Variants in PDE4D observed in about 807,000 individuals in gnomAD.
The protein encoded by PDE4D is 3',5'-cyclic-AMP phosphodiesterase 4D.
PDE4D carries 24 observed loss-of-function variants against 87.4 expected under a neutral mutation model. That is an observed-to-expected ratio of 0.27 (90% CI 0.20 to 0.39). PDE4D has a LOEUF of 0.39. PDE4D is among the 10% of genes least tolerant of loss of function. The pLI, the probability that PDE4D is intolerant of heterozygous loss-of-function variation, is 1.00. For synonymous variants in PDE4D, 384 were observed against 383.2 expected (o/e 1.00, Z -0.02); for missense variants, 714 against 1,041.0 (o/e 0.69, Z 4.32).
chr5:60,297,570 A>G (rs1753520818), intron 1 of PDE4D, among the ~76,000 whole-genome samples: 1 of 152,202 alleles, frequency 6.6e-6, no homozygotes, highest in African/African-American at 2.4e-5. Context: ...TTTTAACTCA[A>G]TCTTCTGGGA....
chr5:59,974,547 C>T (rs1037948287), intron 3 of PDE4D, among the ~76,000 whole-genome samples: 6 of 152,046 alleles, frequency 3.9e-5, no homozygotes, highest in African/African-American at 1.4e-4. Flanking sequence ...TACTAGGAAC[C>T]CAAGGACACC....
At chr5:59,186,677 G>T (rs148082662) in intron 3 of PDE4D, among the ~76,000 whole-genome samples, 1 of 152,104 alleles carries the variant, frequency 6.6e-6, no homozygotes, top group Non-Finnish European at 1.5e-5. Context: ...AGCTGTGTAC[G>T]CCTTGGGACA....
At chr5:59,020,842 G>A (rs1580340598) in intron 6 of PDE4D, among the ~76,000 whole-genome samples, 1 of 152,298 alleles carries the variant, frequency 6.6e-6, no homozygotes, top group South Asian at 2.1e-4. Flanking sequence ...CTTACCGGCT[G>A]TGGCTAGCGT....
chr5:60,261,259 A>C (rs1749619847), intron 1 of PDE4D, among the ~76,000 whole-genome samples: 2 of 152,168 alleles, frequency 1.3e-5, no homozygotes, highest in Admixed American at 1.3e-4. Flanking sequence ...GTAATCACTG[A>C]CCAGGTTATG....
chr5:59,385,190 C>T (rs1786732001), intron 1 of PDE4D, among the ~76,000 whole-genome samples: 1 of 152,148 alleles, frequency 6.6e-6, no homozygotes, highest in African/African-American at 2.4e-5. Context: ...ATCTGACATC[C>T]TAAGCATTCT....
At chr5:60,356,213 A>G (rs1583509902) in intron 1 of PDE4D, among the ~76,000 whole-genome samples, 1 of 152,256 alleles carries the variant, frequency 6.6e-6, no homozygotes, top group East Asian at 1.9e-4. Context: ...TTACATTCCC[A>G]TTAATATTAA....
chr5:59,200,199 G>T (rs1368985404), intron 2 of PDE4D, among the ~76,000 whole-genome samples: 1 of 111,686 alleles, frequency 9.0e-6, no homozygotes, highest in African/African-American at 3.1e-5. Flanking sequence ...ACATACACGT[G>T]TATGTATAGA....
intron 1 of PDE4D, among the ~76,000 whole-genome samples, chr5:59,606,616 G>A (rs182579654): frequency 8.5e-5 from 13 of 152,188 alleles, no homozygotes; most frequent in African/African-American, 2.4e-4. Context: ...CTGTGGATTC[G>A]GAGAAGGCTG....
In PDE4D at chr5:59,137,686, G is replaced by C. The variant is rs576429721; in HGVS notation, c.808+42909C>G. ...GGACTACAGGCGCCCGCCACCACGC[G>C]TGGCTAATTTTTTGTATTTTTAGTA... On this transcript the variant is annotated intron_variant, in intron 5 of 14. Transcript: ENST00000340635. Among the ~76,000 whole-genome samples, 287 of 152,000 alleles carry C rather than the reference G, an allele frequency of 1.9e-3. 1 individual carries two copies. Among genetic ancestry groups the C allele is most frequent in the African/African-American group, 6.6e-3 (273 of 41,476 alleles).
chr5:60,438,976 A>C (rs1431534256), intron 1 of PDE4D, among the ~76,000 whole-genome samples: 1 of 152,126 alleles, frequency 6.6e-6, no homozygotes, highest in Non-Finnish European at 1.5e-5. Flanking sequence ...ATACTTGCAC[A>C]AGCATGCACT....
chr5:60,194,116 C>G (rs1457097321), intron 1 of PDE4D, among the ~76,000 whole-genome samples: 3 of 151,584 alleles, frequency 2.0e-5, no homozygotes, highest in Non-Finnish European at 4.4e-5. Context: ...ATATCATTCT[C>G]TTTCTCTTCA....
At chr5:60,216,089 T>C (rs923974806) in intron 1 of PDE4D, among the ~76,000 whole-genome samples, 1 of 152,114 alleles carries the variant, frequency 6.6e-6, no homozygotes, top group African/African-American at 2.4e-5. Flanking sequence ...GCCCCTATTT[T>C]ACCAACAGGA....
At chr5:60,420,311 T>C (rs988479262) in intron 1 of PDE4D, among the ~76,000 whole-genome samples, 4 of 152,166 alleles carry the variant, frequency 2.6e-5, no homozygotes. Flanking sequence ...AAACAAAGCC[T>C]ATCATCAAGA....
chr5:59,033,782 TCAGA>T (rs1292689805), intron 6 of PDE4D, among the ~76,000 whole-genome samples: 1 of 152,130 alleles, frequency 6.6e-6, no homozygotes, highest in Non-Finnish European at 1.5e-5. Context: ...CATAATGCTC[TCAGA>T]CAGAAGTTAC....
At chr5:59,431,340 G>T (rs991486066) in intron 1 of PDE4D, among the ~76,000 whole-genome samples, 4 of 152,110 alleles carry the variant, frequency 2.6e-5, no homozygotes, top group Non-Finnish European at 5.9e-5. Flanking sequence ...TATGCCATTT[G>T]CTAGAGTTAT....
At chr5:60,152,908 T>A (rs1197663987) in intron 2 of PDE4D, among the ~76,000 whole-genome samples, 1 of 152,222 alleles carries the variant, frequency 6.6e-6, no homozygotes, top group Admixed American at 6.5e-5. Context: ...GCATCAATTG[T>A]ACCATCTCTT....
At chr5:59,518,213 GTGTGTGTGTATAAAAT>G (rs942680335) in intron 1 of PDE4D, among the ~76,000 whole-genome samples, 7 of 151,650 alleles carry the variant, frequency 4.6e-5, no homozygotes, top group African/African-American at 1.5e-4. Context: ...GTGTGTGTGT[GTGTGTGTGTATAAAAT>G]TTACACCAGT....
At position 58,969,779 on chromosome 5, in the gene PDE4D, A is replaced by G. The variant is rs752019213; in HGVS notation, c.*4885T>C. The G allele has an allele frequency of 2.0e-5, 3 of 152,216 alleles. No homozygotes were observed. The highest frequency in any genetic ancestry group is 4.4e-5 in the Non-Finnish European group (3 of 68,042). The allele number at this position is 152,216 out of a possible 1,614,324, so 9.4% of individuals were successfully genotyped here. On this transcript the variant is annotated 3_prime_UTR_variant, in exon 15 of 15. Transcript: ENST00000340635. ...AGGTAACCAAAAATAATTGTCAAGT[A>G]TCTGAATAATTTTCAATATCCCAGA...
chr5:60,344,842 T>C (rs1289060704), intron 1 of PDE4D, among the ~76,000 whole-genome samples: 3 of 152,182 alleles, frequency 2.0e-5, no homozygotes, highest in Non-Finnish European at 4.4e-5. Context: ...TCATTCACTA[T>C]GTTCATCTGC....
Sources: gnomAD v4.1 joint callset for allele counts (sites outside exome capture counted in the v4.1 genomes callset) on GRCh38, gnomAD v4.1.1 for gene constraint, MANE v1.5 for transcripts, NCBI Gene and HGNC (gene_info 2026-07-23, HGNC 2026-07-21) for gene names.